TNFSF4: variants seen among roughly 807,000 people sequenced by gnomAD.
TNFSF4 encodes TNF superfamily member 4.
Under a neutral mutation model 7.3 loss-of-function variants are expected in TNFSF4, and 4 were observed. That is an observed-to-expected ratio of 0.55 (90% confidence interval 0.27 to 1.25). The LOEUF (loss-of-function observed/expected upper bound fraction) is 1.25. Among genes scored for constraint, TNFSF4 ranks in the 50% most tolerant of loss-of-function variants. TNFSF4 has a pLI of 0.12. For synonymous variants in TNFSF4, 76 were observed against 83.7 expected (o/e 0.91, Z 0.50); for missense variants, 181 against 208.8 (o/e 0.87, Z 0.82).
the TNFSF4 span, among the ~76,000 whole-genome samples, chr1:173,419,914 G>C: frequency 5.6e-3 from 854 of 152,034 alleles, 8 homozygotes; most frequent in African/African-American, 0.02. Context: ...GCGGGGGGGG[G>C]GATGAGAGGC....
At chr1:173,278,849 C>T in the TNFSF4 span, among the ~76,000 whole-genome samples, 12,191 of 152,050 alleles carry the variant, frequency 0.08, 852 homozygotes, top group African/African-American at 0.19. Context: ...TGTAAAAGCA[C>T]CCAAAGCCCT....
chr1:173,433,264 A>G, the TNFSF4 span, among the ~76,000 whole-genome samples: 1 of 152,202 alleles, frequency 6.6e-6, no homozygotes, highest in East Asian at 1.9e-4. Flanking sequence ...TGTTGTCTCA[A>G]GTGCCCCAAA....
At chr1:173,325,624 C>T in the TNFSF4 span, among the ~76,000 whole-genome samples, 1 of 151,878 alleles carries the variant, frequency 6.6e-6, no homozygotes, top group Non-Finnish European at 1.5e-5. Context: ...GCTAGCAAGA[C>T]TAATAAAGAA....
the TNFSF4 span, among the ~76,000 whole-genome samples, chr1:173,424,473 G>A: frequency 2.6e-5 from 4 of 152,180 alleles, no homozygotes; most frequent in African/African-American, 9.7e-5. Flanking sequence ...GTGGGCCGGT[G>A]GGCCCAATGT....
At chr1:173,405,884 T>G in the TNFSF4 span, among the ~76,000 whole-genome samples, 3 of 152,238 alleles carry the variant, frequency 2.0e-5, no homozygotes, top group African/African-American at 7.2e-5. Flanking sequence ...AAACCAGTTA[T>G]GATGCTGTAG....
chr1:173,369,715 A>G, the TNFSF4 span, among the ~76,000 whole-genome samples: 1 of 152,168 alleles, frequency 6.6e-6, no homozygotes, highest in African/African-American at 2.4e-5. Flanking sequence ...CCTGGCCCCA[A>G]TATTCTTCCT....
At chr1:173,179,001 T>A (rs538241170), downstream of TNFSF4, among the ~76,000 whole-genome samples, 56 of 152,248 alleles carry the variant, frequency 3.7e-4, 1 homozygote, top group South Asian at 0.012. Flanking sequence ...GCCTCTAGAA[T>A]CTGGAACTAG....
chr1:173,270,832 C>A, the TNFSF4 span, among the ~76,000 whole-genome samples: 1 of 152,150 alleles, frequency 6.6e-6, no homozygotes, highest in South Asian at 2.1e-4. Context: ...AATGAGGTGG[C>A]ACTAGAGTCA....
chr1:173,312,859 G>A, the TNFSF4 span, among the ~76,000 whole-genome samples: 1 of 152,064 alleles, frequency 6.6e-6, no homozygotes, highest in East Asian at 1.9e-4. Flanking sequence ...GCTACACGTG[G>A]ATCCAGGCCC....
chr1:173,244,206 G>A, the TNFSF4 span, among the ~76,000 whole-genome samples: 2 of 152,158 alleles, frequency 1.3e-5, no homozygotes, highest in Non-Finnish European at 2.9e-5. Flanking sequence ...AAATGAAATA[G>A]ATTATGTATT....
At chr1:173,296,116 T>A in the TNFSF4 span, among the ~76,000 whole-genome samples, 1 of 151,658 alleles carries the variant, frequency 6.6e-6, no homozygotes, top group Non-Finnish European at 1.5e-5. Flanking sequence ...ACAGAAGGAG[T>A]GCCTAGCCCA....
At chr1:173,407,703 G>GGTGTGTGTGTGTGTGT in the TNFSF4 span, among the ~76,000 whole-genome samples, 637 of 148,336 alleles carry the variant, frequency 4.3e-3, 12 homozygotes, top group East Asian at 0.065. Context: ...GATGTAAATG[G>GGTGTGTGTGTGTGTGT]GTGTGTGTGT....
the TNFSF4 span, among the ~76,000 whole-genome samples, chr1:173,429,879 CCTTA>C: frequency 1.3e-5 from 2 of 152,208 alleles, no homozygotes; most frequent in Non-Finnish European, 2.9e-5. Context: ...CAGCTTCCTG[CCTTA>C]CTAAGAACTT....
At chr1:173,194,880 CA>C (rs11406483) in intron 1 of TNFSF4, among the ~76,000 whole-genome samples, 3,019 of 74,314 alleles carry the variant, frequency 0.041, 78 homozygotes, top group Admixed American at 0.17. Context: ...GAACTTGTCT[CA>C]AAAAAAAAAA....
the TNFSF4 span, among the ~76,000 whole-genome samples, chr1:173,327,034 AC>A: frequency 6.6e-6 from 1 of 152,204 alleles, no homozygotes; most frequent in African/African-American, 2.4e-5. Flanking sequence ...TTCATATGGA[AC>A]CAAAAAAGAG....
At chr1:173,263,370 C>T in the TNFSF4 span, among the ~76,000 whole-genome samples, 1 of 152,146 alleles carries the variant, frequency 6.6e-6, no homozygotes, top group African/African-American at 2.4e-5. Flanking sequence ...AACGCTATTT[C>T]AATTACTCAA....
the TNFSF4 span, among the ~76,000 whole-genome samples, chr1:173,371,578 T>C: frequency 6.6e-6 from 1 of 152,134 alleles, no homozygotes; most frequent in Non-Finnish European, 1.5e-5. Flanking sequence ...TTACAGGATA[T>C]TGTCAGACAT....
At chr1:173,356,002 GA>G in the TNFSF4 span, among the ~76,000 whole-genome samples, 11 of 152,172 alleles carry the variant, frequency 7.2e-5, no homozygotes, top group African/African-American at 2.7e-4. Context: ...GCTGGCCAAG[GA>G]AAACAAGCCT....
the TNFSF4 span, among the ~76,000 whole-genome samples, chr1:173,418,886 T>C: frequency 6.6e-6 from 1 of 152,200 alleles, no homozygotes; most frequent in Non-Finnish European, 1.5e-5. Flanking sequence ...AGCATTGCTA[T>C]GGTTTGAATG....
Sources: gnomAD v4.1 joint callset for allele counts (sites outside exome capture counted in the v4.1 genomes callset) on GRCh38, gnomAD v4.1.1 for gene constraint, MANE v1.5 for transcripts, NCBI Gene and HGNC (gene_info 2026-07-23, HGNC 2026-07-21) for gene names.